Variants in GALNTL6 observed in about 807,000 individuals in gnomAD.
GALNTL6 encodes the protein polypeptide N-acetylgalactosaminyltransferase-like 6.
Under a neutral mutation model 73.7 loss-of-function variants are expected in GALNTL6, and 46 were observed. The ratio of observed to expected loss-of-function variants is 0.62; its 90% CI spans 0.49 to 0.80. The LOEUF is 0.80. Ranked by LOEUF, GALNTL6 falls within the 30% of genes least tolerant of loss-of-function variation. The probability of loss-of-function intolerance (pLI) is 0.00; values close to 1 mark genes in which losing one functional copy is unlikely to be tolerated. For synonymous variants in GALNTL6, 259 were observed against 263.7 expected (o/e 0.98, Z 0.17); for missense variants, 604 against 755.0 (o/e 0.80, Z 2.34).
chr4:172,911,741 G>A (rs537196465), intron 8 of GALNTL6, among the ~76,000 whole-genome samples: 12 of 152,336 alleles, frequency 7.9e-5, no homozygotes, highest in Admixed American at 4.6e-4. Context: ...AGGTGTATCA[G>A]AGCACTTTCA....
intron 2 of GALNTL6, among the ~76,000 whole-genome samples, chr4:171,939,206 T>C (rs1738446949): frequency 1.3e-5 from 2 of 152,112 alleles, no homozygotes; most frequent in Non-Finnish European, 2.9e-5. Context: ...CAAATGTATG[T>C]AATAAATGGT....
Position 171,886,038 on chromosome 4 carries a change from C to A in GALNTL6, c.138+71320C>A, listed in dbSNP as rs374384110. Among the ~76,000 whole-genome samples, 209 of 152,002 alleles carry A rather than the reference C, an allele frequency of 1.4e-3. 2 individuals carry two copies. Among genetic ancestry groups the A allele is most frequent in the African/African-American group, 4.8e-3 (199 of 41,474 alleles). Reference sequence around the variant, plus strand: ...AGAACCAGAAAAAATTGTAGAGATTCTTTCATTAAACCATCTCTTTTTAAC... The same window carrying A: ...AGAACCAGAAAAAATTGTAGAGATTATTTCATTAAACCATCTCTTTTTAAC... On this transcript the variant is annotated intron_variant, in intron 2 of 12. Coordinates refer to ENST00000506823, the MANE Select transcript of GALNTL6 (RefSeq NM_001034845.3).
intron 2 of GALNTL6, among the ~76,000 whole-genome samples, chr4:171,967,447 G>GTTTTTTTTT (rs759348628): frequency 1.4e-4 from 2 of 14,322 alleles, no homozygotes; most frequent in Non-Finnish European, 4.4e-4. Flanking sequence ...CCCCCTATGG[G>GTTTTTTTTT]TTTTTTTTTT....
At chr4:173,014,042 T>A (rs1194110913) in intron 11 of GALNTL6, among the ~76,000 whole-genome samples, 1 of 135,838 alleles carries the variant, frequency 7.4e-6, no homozygotes, top group Admixed American at 7.8e-5. Flanking sequence ...AATCCGTTTT[T>A]TTCCAAAAAA....
chr4:172,168,974 G>A (rs6553612), intron 2 of GALNTL6, among the ~76,000 whole-genome samples: 53,054 of 152,018 alleles, frequency 0.35, 9,448 homozygotes, highest in Middle Eastern at 0.38. Context: ...TAACAATTTA[G>A]CAAACAGAAT....
intron 3 of GALNTL6, among the ~76,000 whole-genome samples, chr4:172,248,793 C>T (rs1460966921): frequency 6.6e-6 from 1 of 152,152 alleles, no homozygotes; most frequent in Non-Finnish European, 1.5e-5. Context: ...ACTTGGTTCT[C>T]ATTCTTCTCT....
intron 2 of GALNTL6, among the ~76,000 whole-genome samples, chr4:171,817,268 A>G (rs1260201181): frequency 1.3e-5 from 2 of 152,056 alleles, no homozygotes; most frequent in African/African-American, 4.8e-5. Context: ...AGTTCTGAGT[A>G]TCATGTGGTA....
intron 2 of GALNTL6, among the ~76,000 whole-genome samples, chr4:171,890,291 A>T (rs1336691420): frequency 6.6e-6 from 1 of 152,118 alleles, no homozygotes; most frequent in African/African-American, 2.4e-5. Flanking sequence ...TTCTCTTCAG[A>T]TATACTAGCT....
At chr4:172,837,456 AC>A (rs1742969071) in intron 7 of GALNTL6, among the ~76,000 whole-genome samples, 1 of 152,210 alleles carries the variant, frequency 6.6e-6, no homozygotes, top group African/African-American at 2.4e-5. Flanking sequence ...AAGGTAAAAA[AC>A]AGTGAACAAA....
At chr4:172,235,282 A>G (rs1307563022) in intron 3 of GALNTL6, among the ~76,000 whole-genome samples, 1 of 150,978 alleles carries the variant, frequency 6.6e-6, no homozygotes, top group East Asian at 2.0e-4. Context: ...ATCTCGGCTC[A>G]CTGCAACCTT....
intron 5 of GALNTL6, among the ~76,000 whole-genome samples, chr4:172,440,688 T>C (rs988218429): frequency 1.3e-5 from 2 of 152,156 alleles, no homozygotes; most frequent in Non-Finnish European, 2.9e-5. Flanking sequence ...AACATGTTGG[T>C]AATGGAGGAG....
chr4:172,261,282 T>C (rs1187601192), intron 3 of GALNTL6, among the ~76,000 whole-genome samples: 1 of 151,370 alleles, frequency 6.6e-6, no homozygotes, highest in East Asian at 1.9e-4. Context: ...CCAACCTCAC[T>C]ACTTGTTATA....
intron 9 of GALNTL6, among the ~76,000 whole-genome samples, chr4:172,950,487 C>T (rs535937353): frequency 1.3e-5 from 2 of 152,220 alleles, no homozygotes; most frequent in South Asian, 2.1e-4. Context: ...TGGTGCCCAC[C>T]GTCCACCAAA....
intron 2 of GALNTL6, among the ~76,000 whole-genome samples, chr4:172,156,050 G>C (rs1172346472): frequency 1.3e-5 from 2 of 152,076 alleles, no homozygotes; most frequent in Non-Finnish European, 2.9e-5. Context: ...GCGGTGTGGA[G>C]CTACAGGCTG....
chr4:172,720,106 C>A (rs1429868308), intron 5 of GALNTL6, among the ~76,000 whole-genome samples: 1 of 152,048 alleles, frequency 6.6e-6, no homozygotes, highest in East Asian at 1.9e-4. Flanking sequence ...CCTCGTATCT[C>A]ATCTTGTGAC....
intron 2 of GALNTL6, among the ~76,000 whole-genome samples, chr4:172,190,000 G>T (rs532203365): frequency 1.3e-5 from 2 of 152,080 alleles, no homozygotes; most frequent in African/African-American, 4.8e-5. Flanking sequence ...AGTTGCAAAA[G>T]ACAGCACAGT....
chr4:172,322,095 A>T (rs972387677), intron 4 of GALNTL6, among the ~76,000 whole-genome samples: 1 of 152,176 alleles, frequency 6.6e-6, no homozygotes, highest in Non-Finnish European at 1.5e-5. Flanking sequence ...CACTGCACGC[A>T]GACAGCCCAC....
At chr4:171,850,373 G>A (rs750885867) in intron 2 of GALNTL6, among the ~76,000 whole-genome samples, 3 of 152,188 alleles carry the variant, frequency 2.0e-5, no homozygotes, top group Non-Finnish European at 2.9e-5. Context: ...AGCGATCTTA[G>A]GAGGAGAAAG....
intron 2 of GALNTL6, among the ~76,000 whole-genome samples, chr4:171,995,023 CA>C (rs915800010): frequency 1.3e-5 from 2 of 151,410 alleles, no homozygotes; most frequent in African/African-American, 2.4e-5. Context: ...GAAATATATA[CA>C]AAAAATGGAA....
Sources: allele counts gnomAD v4.1 joint callset (sites outside exome capture counted in the v4.1 genomes callset), GRCh38; gene constraint gnomAD v4.1.1; transcripts MANE v1.5; gene names NCBI Gene and HGNC (gene_info 2026-07-23, HGNC 2026-07-21).